The following CDH12 variants were observed in gnomAD, a reference collection of about 807,000 sequenced individuals.
CDH12 encodes cadherin-12.
CDH12 carries 41 observed loss-of-function variants against 74.1 expected under a neutral mutation model. That is an observed-to-expected ratio of 0.55 (90% confidence interval 0.43 to 0.72). The LOEUF (loss-of-function observed/expected upper bound fraction) is 0.72. Among genes scored for constraint, CDH12 ranks in the 30% least tolerant of loss-of-function variants. The probability of loss-of-function intolerance (pLI) is 0.00; values close to 1 mark genes in which losing one functional copy is unlikely to be tolerated. For missense variants in CDH12, 945 were observed against 977.2 expected, an observed-to-expected ratio of 0.97 and a Z score of 0.44; for synonymous variants, 399 against 355.0, an observed-to-expected ratio of 1.12 and a Z score of -1.39.
intron 4 of CDH12, among the ~76,000 whole-genome samples, chr5:22,096,807 C>T (rs944199306): frequency 5.9e-5 from 9 of 152,144 alleles, no homozygotes; most frequent in Non-Finnish European, 1.2e-4. Context: ...GCCCTAGACC[C>T]TGAAAGGTCA....
intron 6 of CDH12, among the ~76,000 whole-genome samples, chr5:21,917,775 T>C (rs1754168167): frequency 6.6e-6 from 1 of 152,102 alleles, no homozygotes; most frequent in Non-Finnish European, 1.5e-5. Context: ...TTACAGAAAA[T>C]AGATAGTAAT....
chr5:22,693,274 C>T (rs1742178249), intron 1 of CDH12, among the ~76,000 whole-genome samples: 1 of 152,140 alleles, frequency 6.6e-6, no homozygotes, highest in Admixed American at 6.6e-5. Context: ...TCATATGGCA[C>T]CGTATTGCAA....
At chr5:22,091,152 T>A (rs1003858379) in intron 4 of CDH12, among the ~76,000 whole-genome samples, 1 of 150,718 alleles carries the variant, frequency 6.6e-6, no homozygotes, top group African/African-American at 2.4e-5. Flanking sequence ...AACTTGCAGA[T>A]GACATGATCT....
chr5:22,449,557 G>A (rs1281608426), intron 2 of CDH12, among the ~76,000 whole-genome samples: 3 of 151,982 alleles, frequency 2.0e-5, no homozygotes, highest in Admixed American at 6.6e-5. Context: ...TCTTCCCAAC[G>A]CTACTTTCAA....
chr5:22,583,313 A>T (rs1740199275), intron 1 of CDH12, among the ~76,000 whole-genome samples: 1 of 152,202 alleles, frequency 6.6e-6, no homozygotes, highest in Admixed American at 6.5e-5. Flanking sequence ...ACACAAAATG[A>T]GTCAAATTAA....
At chr5:22,831,697 C>T (rs567857468) in intron 1 of CDH12, among the ~76,000 whole-genome samples, 1 of 151,986 alleles carries the variant, frequency 6.6e-6, no homozygotes, top group African/African-American at 2.4e-5. Flanking sequence ...GAGTTCAAGA[C>T]CAACCTGGCC....
intron 3 of CDH12, among the ~76,000 whole-genome samples, chr5:22,298,840 G>C (rs145312742): frequency 6.6e-6 from 1 of 151,948 alleles, no homozygotes; most frequent in Non-Finnish European, 1.5e-5. Flanking sequence ...CACACTCTTC[G>C]GCATATCAAC....
intron 5 of CDH12, among the ~76,000 whole-genome samples, chr5:22,035,973 T>C (rs1739152576): frequency 6.6e-6 from 1 of 152,178 alleles, no homozygotes. Context: ...TTATCTCCCA[T>C]TCCTATCAGT....
At chr5:21,783,591 G>T in intron 10 of CDH12, 97 bp from the exon 11 acceptor site, 3 of 877,228 alleles carry the variant, frequency 3.4e-6, no homozygotes, top group African/African-American at 1.7e-5. Context: ...TTTTCTCCCT[G>T]TAGCTATTAC....
chr5:21,831,665 A>T (rs564931273), intron 8 of CDH12, among the ~76,000 whole-genome samples: 6 of 151,924 alleles, frequency 3.9e-5, no homozygotes, highest in East Asian at 3.9e-4. Context: ...GTTATTACTA[A>T]GTTGGCTAAG....
chr5:22,040,964 A>G, intron 5 of CDH12, among the ~76,000 whole-genome samples: 1 of 152,144 alleles, frequency 6.6e-6, no homozygotes, highest in East Asian at 1.9e-4. Flanking sequence ...CACACACACT[A>G]TTATGATTAA....
rs140015847 is a variant in CDH12 at position 22,347,244 on chromosome 5, C to T, written c.-333+58013G>A. 1.4e-4 allele frequency among the ~76,000 whole-genome samples: 21 copies of T among 152,194 alleles called. 1 individual carries two copies. In the East Asian group the frequency reaches 4.1e-3, roughly 30 times the overall value. ...GAGTCAGTGAACTGGGAGAGGGAGA[C>T]CCATCCTCAATCTGGATGGGCACCA... On this transcript the variant is annotated intron_variant, in intron 3 of 14. Coordinates refer to ENST00000382254, the MANE Select transcript of CDH12 (RefSeq NM_004061.5).
In CDH12 at chr5:21,817,042, G is replaced by T. The variant is rs779723483; in HGVS notation, c.905C>A (p.Ala302Glu). 1 of 1,612,442 alleles carries T rather than the reference G, an allele frequency of 6.2e-7. No homozygotes were observed. The highest frequency in any genetic ancestry group is 8.5e-7 in the Non-Finnish European group (1 of 1,178,984). The change falls in exon 9 of 15, where the codon GCA becomes GAA. Residue 302 changes from alanine to glutamate, a missense_variant. Ala to Glu is a moderately radical substitution (Grantham distance 107, BLOSUM62 -1). This residue lies in a region of CDH12 where 791 missense variants were observed against 792.8 expected (regional missense o/e 1.00). Transcript: ENST00000382254. Reference sequence around the variant, plus strand: ...TGGAACAATATTGTATTCAATTTCTGCATTTTGTCCAAAATCAGGATCCAC... The same window carrying T: ...TGGAACAATATTGTATTCAATTTCTTCATTTTGTCCAAAATCAGGATCCAC... ...RAVDPDFGQN[A>E]EIEYNIVPGD...
At chr5:22,331,323 C>G (rs537679715) in intron 3 of CDH12, among the ~76,000 whole-genome samples, 1 of 152,118 alleles carries the variant, frequency 6.6e-6, no homozygotes, top group South Asian at 2.1e-4. Context: ...GGTAGCCACA[C>G]GTGTGCTCGC....
chr5:22,044,997 T>C (rs1459445109), intron 5 of CDH12, among the ~76,000 whole-genome samples: 1 of 152,118 alleles, frequency 6.6e-6, no homozygotes, highest in African/African-American at 2.4e-5. Flanking sequence ...ATAGACAACT[T>C]ATAGAATGGG....
chr5:22,059,689 C>T lies in CDH12; in HGVS notation c.231+18757G>A, dbSNP rs574621163. Among the ~76,000 whole-genome samples the T allele has an allele frequency of 3.3e-5, 5 of 152,118 alleles. No homozygotes were observed. The East Asian group carries it at 7.7e-4, about 23-fold the overall frequency. On this transcript the variant is annotated intron_variant, in intron 5 of 14. Transcript: ENST00000382254. Reference sequence around the variant, plus strand: ...ATTTATGATAGATGGCTGAAAATATCATAAATTCATGTGAATATTTCCAAA... The same window carrying T: ...ATTTATGATAGATGGCTGAAAATATTATAAATTCATGTGAATATTTCCAAA...
chr5:22,227,827 T>G (rs1054246968), intron 3 of CDH12, among the ~76,000 whole-genome samples: 2 of 152,136 alleles, frequency 1.3e-5, no homozygotes, highest in Admixed American at 6.6e-5. Flanking sequence ...CTTCCTCATT[T>G]GGAAACAGAG....
At chr5:22,295,084 C>G (rs1737565214) in intron 3 of CDH12, among the ~76,000 whole-genome samples, 1 of 152,166 alleles carries the variant, frequency 6.6e-6, no homozygotes. Context: ...ATTAGCTCCT[C>G]CTGTTGCTTA....
chr5:22,457,935 G>T (rs1377960082), intron 2 of CDH12, among the ~76,000 whole-genome samples: 1 of 152,050 alleles, frequency 6.6e-6, no homozygotes, highest in East Asian at 1.9e-4. Flanking sequence ...AGTAAAGACG[G>T]GGTTTCACCA....
Sources: gnomAD v4.1 joint callset for allele counts (sites outside exome capture counted in the v4.1 genomes callset) on GRCh38, gnomAD v4.1.1 for gene constraint, gnomAD v4.1.1 regional missense constraint, MANE v1.5 for transcripts, NCBI Gene and HGNC (gene_info 2026-07-23, HGNC 2026-07-21) for gene names.